The following FOXP2 variants were observed in gnomAD, a reference collection of about 807,000 sequenced individuals.
The protein encoded by FOXP2 is forkhead box protein P2.
FOXP2 carries 12 observed loss-of-function variants against 115.8 expected under a neutral mutation model. The ratio of observed to expected loss-of-function variants is 0.10; its 90% CI spans 0.07 to 0.17. FOXP2 has a LOEUF of 0.17. Ranked by LOEUF, FOXP2 falls within the 10% of genes least tolerant of loss-of-function variation. The pLI, the probability that FOXP2 is intolerant of heterozygous loss-of-function variation, is 1.00. For synonymous variants in FOXP2, 328 were observed against 297.7 expected (o/e 1.10, Z -1.05); for missense variants, 629 against 843.5 (o/e 0.75, Z 3.15).
intron 2 of FOXP2, among the ~76,000 whole-genome samples, chr7:114,385,139 C>T (rs780167788): frequency 3.3e-5 from 5 of 151,934 alleles, no homozygotes; most frequent in African/African-American, 1.2e-4. Context: ...CATAACTGCC[C>T]ATGTCGAGAG....
chr7:114,393,767 C>T (rs1792667691), intron 2 of FOXP2, among the ~76,000 whole-genome samples: 1 of 152,062 alleles, frequency 6.6e-6, no homozygotes, highest in South Asian at 2.1e-4. Flanking sequence ...ATGAGTTGTA[C>T]ACAGGGAATT....
At chr7:114,644,407 A>G (rs764308703) in intron 7 of FOXP2, among the ~76,000 whole-genome samples, 5 of 152,202 alleles carry the variant, frequency 3.3e-5, no homozygotes, top group Non-Finnish European at 7.3e-5. Flanking sequence ...TGTTACATTA[A>G]GGTCATAAGG....
At chr7:114,181,865 G>A (rs1391851370) in intron 1 of FOXP2, among the ~76,000 whole-genome samples, 3 of 152,002 alleles carry the variant, frequency 2.0e-5, no homozygotes, top group Non-Finnish European at 4.4e-5. Flanking sequence ...CTGTAGAATG[G>A]TTCAACTTCT....
intron 2 of FOXP2, among the ~76,000 whole-genome samples, chr7:114,349,152 T>C (rs567513246): frequency 4.5e-4 from 69 of 151,956 alleles, no homozygotes; most frequent in Non-Finnish European, 7.8e-4. Context: ...ATTCCGCAAA[T>C]CACCTAAAAT....
At chr7:114,251,514 T>A (rs1795442803) in intron 1 of FOXP2, among the ~76,000 whole-genome samples, 1 of 152,204 alleles carries the variant, frequency 6.6e-6, no homozygotes, top group South Asian at 2.1e-4. Flanking sequence ...ATACTTCACA[T>A]CCCTTGTAAG....
At chr7:114,254,646 G>A (rs1186698565) in intron 1 of FOXP2, among the ~76,000 whole-genome samples, 2 of 152,002 alleles carry the variant, frequency 1.3e-5, no homozygotes, top group African/African-American at 4.8e-5. Flanking sequence ...AGCTCCATCA[G>A]TTCATTTAAG....
chr7:114,149,431 A>G (rs534646132), intron 1 of FOXP2, among the ~76,000 whole-genome samples: 15 of 152,100 alleles, frequency 9.9e-5, no homozygotes, highest in Non-Finnish European at 1.3e-4. Flanking sequence ...TGGTTTCACT[A>G]TGAAAACAAA....
At chr7:114,223,261 A>G (rs1372854469) in intron 1 of FOXP2, among the ~76,000 whole-genome samples, 1 of 152,012 alleles carries the variant, frequency 6.6e-6, no homozygotes, top group Non-Finnish European at 1.5e-5. Context: ...GCTCATAAAC[A>G]TTTGTCATAC....
intron 1 of FOXP2, among the ~76,000 whole-genome samples, chr7:114,129,378 C>T (rs1791811415): frequency 6.6e-6 from 1 of 152,114 alleles, no homozygotes; most frequent in Non-Finnish European, 1.5e-5. Flanking sequence ...TTTGTGCATC[C>T]TTTCCATAAT....
chr7:114,345,612 A>G (rs528951985), intron 2 of FOXP2, among the ~76,000 whole-genome samples: 48 of 151,854 alleles, frequency 3.2e-4, no homozygotes, highest in South Asian at 1.2e-3. Flanking sequence ...TCTATACTTT[A>G]TATGATCTCA....
intron 1 of FOXP2, among the ~76,000 whole-genome samples, chr7:114,233,682 TTG>T (rs1794942013): frequency 6.6e-6 from 1 of 152,170 alleles, no homozygotes; most frequent in Non-Finnish European, 1.5e-5. Flanking sequence ...ATTGATGCTT[TTG>T]GGAGATCAGG....
intron 2 of FOXP2, among the ~76,000 whole-genome samples, chr7:114,360,971 C>G (rs1791731696): frequency 6.6e-6 from 1 of 152,116 alleles, no homozygotes; most frequent in South Asian, 2.1e-4. Flanking sequence ...ACTTTACTAG[C>G]AAGTGCTGAT....
At chr7:114,143,945 A>G (rs1792293192) in intron 1 of FOXP2, among the ~76,000 whole-genome samples, 1 of 151,908 alleles carries the variant, frequency 6.6e-6, no homozygotes, top group African/African-American at 2.4e-5. Context: ...GGTTTGACTT[A>G]TAATTTTCTG....
At chr7:114,328,233 CTTTTTTTTTT>C (rs1193894946) in intron 2 of FOXP2, among the ~76,000 whole-genome samples, 107 of 129,594 alleles carry the variant, frequency 8.3e-4, no homozygotes, top group African/African-American at 3.0e-3. Flanking sequence ...CTTTTCTTTT[CTTTTTTTTTT>C]TTTTTTTTTT....
chr7:114,120,701 T>TGTGTGG (rs1791539740), intron 1 of FOXP2, among the ~76,000 whole-genome samples: 1 of 149,552 alleles, frequency 6.7e-6, no homozygotes, highest in African/African-American at 2.5e-5. Flanking sequence ...TATATGTATG[T>TGTGTGG]GTGTGTGTGT....
At chr7:114,520,544 TTAA>T (rs1210884117) in intron 2 of FOXP2, among the ~76,000 whole-genome samples, 1 of 152,098 alleles carries the variant, frequency 6.6e-6, no homozygotes, top group African/African-American at 2.4e-5. Context: ...TTTGATAGAC[TTAA>T]TAAAGGAGTT....
chr7:114,128,556 T>G (rs1791783224), intron 1 of FOXP2, among the ~76,000 whole-genome samples: 1 of 152,042 alleles, frequency 6.6e-6, no homozygotes, highest in Non-Finnish European at 1.5e-5. Context: ...TCTATTTAGT[T>G]CTGAAAGTTT....
At chr7:114,148,594 T>C (rs1331344050) in intron 1 of FOXP2, among the ~76,000 whole-genome samples, 2 of 152,170 alleles carry the variant, frequency 1.3e-5, no homozygotes, top group African/African-American at 2.4e-5. Context: ...ATACTTGCTC[T>C]CTTGAGAAGC....
intron 2 of FOXP2, among the ~76,000 whole-genome samples, chr7:114,311,043 G>C (rs1797136487): frequency 6.6e-6 from 1 of 152,140 alleles, no homozygotes; most frequent in African/African-American, 2.4e-5. Flanking sequence ...CAATTTCGGA[G>C]ATCTTATAGG....
Sources: gnomAD v4.1 joint callset for allele counts (sites outside exome capture counted in the v4.1 genomes callset) on GRCh38, gnomAD v4.1.1 for gene constraint, MANE v1.5 for transcripts, NCBI Gene and HGNC (gene_info 2026-07-23, HGNC 2026-07-21) for gene names.